KCNQ5: variants seen among roughly 807,000 people sequenced by gnomAD.
KCNQ5 encodes the protein potassium voltage-gated channel subfamily KQT member 5.
KCNQ5 carries 30 observed loss-of-function variants against 98.2 expected under a neutral mutation model. The ratio of observed to expected loss-of-function variants is 0.31; its 90% CI spans 0.23 to 0.41. The LOEUF is 0.41. Ranked by LOEUF, KCNQ5 falls within the 10% of genes least tolerant of loss-of-function variation. KCNQ5 has a pLI of 1.00. For synonymous variants in KCNQ5, 458 were observed against 449.4 expected, an observed-to-expected ratio of 1.02 and a Z score of -0.24; for missense variants, 835 against 1,182.5, an observed-to-expected ratio of 0.71 and a Z score of 4.31.
At chr6:73,170,962 A>G (rs1777991784) in intron 11 of KCNQ5, among the ~76,000 whole-genome samples, 1 of 152,102 alleles carries the variant, frequency 6.6e-6, no homozygotes, top group African/African-American at 2.4e-5. Context: ...AAAATAAAAT[A>G]TCCAAACCAA....
At chr6:72,791,809 G>A (rs185319305) in intron 1 of KCNQ5, among the ~76,000 whole-genome samples, 6 of 152,106 alleles carry the variant, frequency 3.9e-5, no homozygotes, top group South Asian at 2.1e-4. Flanking sequence ...AAGAGAGCCC[G>A]CAGGAGAGAT....
intron 1 of KCNQ5, among the ~76,000 whole-genome samples, chr6:72,972,542 G>A (rs1222980256): frequency 6.7e-6 from 1 of 149,870 alleles, no homozygotes; most frequent in Non-Finnish European, 1.5e-5. Context: ...CCCTCTCTGT[G>A]TTCATGTGTT....
At position 73,067,217 on chromosome 6, in the gene KCNQ5, A is replaced by G. The variant is rs190207405; in HGVS notation, c.617-10105A>G. Among the ~76,000 whole-genome samples the G allele has an allele frequency of 4.2e-3, 634 of 152,240 alleles. 2 individuals carry two copies. The highest frequency in any genetic ancestry group is 0.014 in the African/African-American group (597 of 41,546). On this transcript the variant is annotated intron_variant, in intron 3 of 13. Coordinates refer to ENST00000370398, the MANE Select transcript of KCNQ5 (RefSeq NM_019842.4). Reference sequence around the variant, plus strand: ...AAAGCTACCAAAAGAGAAACACGGGAAAAAAATATATAAGTGCTCTGGAAA... The same window carrying G: ...AAAGCTACCAAAAGAGAAACACGGGGAAAAAATATATAAGTGCTCTGGAAA...
intron 1 of KCNQ5, among the ~76,000 whole-genome samples, chr6:72,927,847 A>G (rs1008212220): frequency 1.3e-5 from 2 of 151,986 alleles, no homozygotes; most frequent in East Asian, 1.9e-4. Context: ...TGTTTTCGCA[A>G]AAGATAGATA....
intron 1 of KCNQ5, among the ~76,000 whole-genome samples, chr6:72,698,802 G>GCACTT (rs150549699): frequency 0.016 from 2,374 of 151,618 alleles, 52 homozygotes; most frequent in African/African-American, 0.052. Flanking sequence ...CTGCAGGCAT[G>GCACTT]CACTTCCATG....
At chr6:72,892,713 TAA>T (rs201357800) in intron 1 of KCNQ5, among the ~76,000 whole-genome samples, 20 of 142,472 alleles carry the variant, frequency 1.4e-4, no homozygotes, top group Non-Finnish European at 1.5e-4. Context: ...GAACCTACCT[TAA>T]AAAAAAAAAA....
At chr6:73,177,535 A>G (rs1042965610) in intron 11 of KCNQ5, among the ~76,000 whole-genome samples, 1 of 152,204 alleles carries the variant, frequency 6.6e-6, no homozygotes, top group Non-Finnish European at 1.5e-5. Flanking sequence ...CTAAAATGCA[A>G]TCTCAGCTGT....
chr6:72,647,180 A>G (rs1394867003), intron 1 of KCNQ5, among the ~76,000 whole-genome samples: 1 of 152,242 alleles, frequency 6.6e-6, no homozygotes, highest in Non-Finnish European at 1.5e-5. Context: ...GAAAATGTTT[A>G]CTATCTGGCC....
At chr6:72,850,430 T>C (rs1462997098) in intron 1 of KCNQ5, among the ~76,000 whole-genome samples, 2 of 152,162 alleles carry the variant, frequency 1.3e-5, no homozygotes, top group Non-Finnish European at 2.9e-5. Flanking sequence ...TTCAGATCTA[T>C]TAAATTATTT....
chr6:72,690,654 T>TC (rs1768169547), intron 1 of KCNQ5, among the ~76,000 whole-genome samples: 1 of 150,306 alleles, frequency 6.7e-6, no homozygotes, highest in African/African-American at 2.5e-5. Flanking sequence ...CAACATCTGT[T>TC]CCCCCAACTG....
At chr6:72,759,091 C>G (rs901196181) in intron 1 of KCNQ5, among the ~76,000 whole-genome samples, 1 of 152,138 alleles carries the variant, frequency 6.6e-6, no homozygotes, top group Non-Finnish European at 1.5e-5. Flanking sequence ...AAAGGTACCA[C>G]GTGATACTTC....
rs1056781910 is a variant in KCNQ5 at position 72,939,514 on chromosome 6, G to A, written c.399-64394G>A. The stretch of plus-strand genomic sequence containing the variant: ...TAAGCCTCCAAACTTTTTCTTCAAC[G>A]TACAAACAGGTCCTCCTTGGAGAGA... On this transcript the variant is annotated intron_variant, in intron 1 of 13. Transcript: ENST00000370398. Among the ~76,000 whole-genome samples the A allele has an allele frequency of 3.9e-5, 6 of 152,090 alleles. No homozygotes were observed. In the East Asian group the frequency reaches 5.8e-4, roughly 15 times the overall value.
intron 5 of KCNQ5, among the ~76,000 whole-genome samples, chr6:73,078,142 A>G (rs1329340045): frequency 6.6e-6 from 1 of 151,048 alleles, no homozygotes; most frequent in East Asian, 1.9e-4. Context: ...TAAAATATAT[A>G]AATATATATC....
At chr6:73,170,420 C>CCACACACA (rs57867720) in intron 11 of KCNQ5, among the ~76,000 whole-genome samples, 5 of 140,934 alleles carry the variant, frequency 3.5e-5, no homozygotes, top group African/African-American at 1.1e-4. Flanking sequence ...ACCTTTCCCA[C>CCACACACA]CACACACACA....
intron 3 of KCNQ5, among the ~76,000 whole-genome samples, chr6:73,044,917 G>A (rs1189318054): frequency 6.6e-6 from 1 of 152,160 alleles, no homozygotes; most frequent in Non-Finnish European, 1.5e-5. Context: ...GAGCATTCGA[G>A]AAAAGAACAT....
intron 5 of KCNQ5, among the ~76,000 whole-genome samples, chr6:73,087,660 GAA>G (rs1488813340): frequency 6.6e-6 from 1 of 152,000 alleles, no homozygotes; most frequent in Non-Finnish European, 1.5e-5. Flanking sequence ...TTTAAAAGAA[GAA>G]AAAGACTTAG....
At chr6:73,054,824 G>C (rs1175587819) in intron 3 of KCNQ5, among the ~76,000 whole-genome samples, 1 of 152,170 alleles carries the variant, frequency 6.6e-6, no homozygotes, top group Non-Finnish European at 1.5e-5. Flanking sequence ...TTTCAACATA[G>C]TACTGGAAGT....
intron 10 of KCNQ5, among the ~76,000 whole-genome samples, chr6:73,154,330 T>G (rs1432413636): frequency 1.3e-5 from 2 of 152,212 alleles, no homozygotes; most frequent in Non-Finnish European, 2.9e-5. Flanking sequence ...ATTGAGATTT[T>G]ACAATTTGTT....
intron 1 of KCNQ5, among the ~76,000 whole-genome samples, chr6:72,785,435 G>T (rs569680377): frequency 4.0e-4 from 61 of 152,114 alleles, no homozygotes; most frequent in African/African-American, 1.2e-3. Context: ...GATCGCCTGA[G>T]GTCAGGAGTT....
Sources: allele counts gnomAD v4.1 joint callset (sites outside exome capture counted in the v4.1 genomes callset), GRCh38; gene constraint gnomAD v4.1.1; transcripts MANE v1.5; gene names NCBI Gene and HGNC (gene_info 2026-07-23, HGNC 2026-07-21).